The following CLSTN2 variants were observed in gnomAD, a reference collection of about 807,000 sequenced individuals.
CLSTN2 encodes the protein calsyntenin 2.
Under a neutral mutation model 101.2 loss-of-function variants are expected in CLSTN2, and 48 were observed. The ratio of observed to expected loss-of-function variants is 0.47; its 90% CI spans 0.38 to 0.60. CLSTN2 has a LOEUF of 0.60. CLSTN2 is among the 20% of genes least tolerant of loss of function. CLSTN2 has a pLI of 0.00. For missense variants in CLSTN2, 1,160 were observed against 1,238.2 expected, an observed-to-expected ratio of 0.94 and a Z score of 0.95; for synonymous variants, 481 against 463.6, an observed-to-expected ratio of 1.04 and a Z score of -0.48.
chr3:139,945,464 G>A (rs993328981), intron 1 of CLSTN2, among the ~76,000 whole-genome samples: 2 of 152,146 alleles, frequency 1.3e-5, no homozygotes, highest in African/African-American at 4.8e-5. Flanking sequence ...AAAACTCTAC[G>A]TCTTTCTTTC....
At chr3:140,189,476 A>C (rs1405902832) in intron 2 of CLSTN2, among the ~76,000 whole-genome samples, 1 of 152,050 alleles carries the variant, frequency 6.6e-6, no homozygotes, top group Non-Finnish European at 1.5e-5. Context: ...TGTGGTTTTA[A>C]TTTGCATTTC....
At chr3:140,517,687 G>A (rs558413883) in intron 8 of CLSTN2, among the ~76,000 whole-genome samples, 8 of 152,124 alleles carry the variant, frequency 5.3e-5, no homozygotes, top group Non-Finnish European at 8.8e-5. Flanking sequence ...CAGTTCTCTC[G>A]GCCGTGGACA....
At chr3:140,459,420 C>A in intron 6 of CLSTN2, 101 bp from the exon 7 acceptor site, 1 of 1,366,432 alleles carries the variant, frequency 7.3e-7, no homozygotes, top group Non-Finnish European at 1.0e-6. Context: ...ACAGACGTCT[C>A]TGAGTAAGTA....
chr3:140,425,105 T>C (rs1275084860), intron 5 of CLSTN2, among the ~76,000 whole-genome samples: 3 of 152,188 alleles, frequency 2.0e-5, no homozygotes, highest in Non-Finnish European at 4.4e-5. Context: ...TCTAAGCCAT[T>C]TCCTTTTAAG....
At chr3:140,305,816 G>T (rs1052513440) in intron 2 of CLSTN2, among the ~76,000 whole-genome samples, 1 of 151,992 alleles carries the variant, frequency 6.6e-6, no homozygotes, top group Non-Finnish European at 1.5e-5. Context: ...CATGAATATG[G>T]GTTTTTTTTT....
intron 5 of CLSTN2, among the ~76,000 whole-genome samples, chr3:140,442,825 C>T (rs1408495109): frequency 6.6e-6 from 1 of 152,172 alleles, no homozygotes; most frequent in Non-Finnish European, 1.5e-5. Flanking sequence ...ATCATCTGAC[C>T]TTCTTTTACC....
chr3:140,474,222 A>C (rs942727591), intron 8 of CLSTN2, among the ~76,000 whole-genome samples: 5 of 152,134 alleles, frequency 3.3e-5, no homozygotes, highest in African/African-American at 1.2e-4. Flanking sequence ...CACCTTGCTG[A>C]GGTGACCCTG....
At chr3:140,216,221 C>T (rs1351992461) in intron 2 of CLSTN2, among the ~76,000 whole-genome samples, 1 of 152,150 alleles carries the variant, frequency 6.6e-6, no homozygotes, top group African/African-American at 2.4e-5. Flanking sequence ...GCCTCCCACC[C>T]CCATCCATGG....
intron 2 of CLSTN2, among the ~76,000 whole-genome samples, chr3:140,382,759 G>A (rs917099393): frequency 2.6e-5 from 4 of 152,172 alleles, no homozygotes; most frequent in Non-Finnish European, 4.4e-5. Context: ...CCCTCTCCTG[G>A]CTTACGGACT....
intron 8 of CLSTN2, among the ~76,000 whole-genome samples, chr3:140,476,745 G>A (rs988877375): frequency 5.4e-5 from 8 of 147,228 alleles, no homozygotes; most frequent in Non-Finnish European, 1.0e-4. Context: ...TGCAAGCTCC[G>A]CCTCCTGGGT....
At position 140,558,532 on chromosome 3, in the gene CLSTN2, T is replaced by G. The variant is rs1171127683; in HGVS notation, c.1824-108T>G. 3.8e-6 allele frequency: 3 copies of G among 789,702 alleles called. No homozygotes were observed. The East Asian group carries it at 7.7e-5, about 20-fold the overall frequency. The allele number at this position is 789,702 out of a possible 1,614,324, so 48.9% of individuals were successfully genotyped here. The stretch of plus-strand genomic sequence containing the variant: ...GACATCCTCAGAGACACTTACGCAG[T>G]CACGATGCCTTGTTAAGAACTGGAG... On this transcript the variant is annotated intron_variant, in intron 11 of 16. Transcript: ENST00000458420.
intron 8 of CLSTN2, among the ~76,000 whole-genome samples, chr3:140,490,596 G>GAAAAAAAA (rs71149081): frequency 1.1e-5 from 1 of 90,116 alleles, no homozygotes. Flanking sequence ...CCTTGTCTCA[G>GAAAAAAAA]AAAAAAAAAA....
chr3:139,935,986 A>G lies in CLSTN2; in HGVS notation c.109+503A>G, dbSNP rs1277943327. On this transcript the variant is annotated intron_variant, in intron 1 of 16. Coordinates refer to ENST00000458420, the MANE Select transcript of CLSTN2 (RefSeq NM_022131.3). This position sits in a 1 kb window ranked among gnomAD's most constrained non-coding sequence, Gnocchi z 5.5. Reference sequence around the variant, plus strand: ...CCGCTGACACTCCTCAAGCTCCCCCAGGGCGTCTCTGACTCCCCGGGGAAC... The same window carrying G: ...CCGCTGACACTCCTCAAGCTCCCCCGGGGCGTCTCTGACTCCCCGGGGAAC... 6.6e-6 allele frequency among the ~76,000 whole-genome samples: 1 copy of G among 151,828 alleles called. No homozygotes were observed. Among genetic ancestry groups the G allele is most frequent in the African/African-American group, 2.4e-5 (1 of 41,328 alleles).
chr3:140,265,788 A>G (rs1297350528), intron 2 of CLSTN2, among the ~76,000 whole-genome samples: 2 of 152,202 alleles, frequency 1.3e-5, no homozygotes, highest in African/African-American at 4.8e-5. Context: ...CAAGAATATT[A>G]CATATCAAAG....
intron 9 of CLSTN2, among the ~76,000 whole-genome samples, chr3:140,534,160 A>G (rs1013890558): frequency 2.0e-5 from 3 of 152,096 alleles, no homozygotes; most frequent in Non-Finnish European, 2.9e-5. Flanking sequence ...TGCTAGAGAA[A>G]TGTTCCCCTG....
At chr3:140,253,571 C>T (rs1400632338) in intron 2 of CLSTN2, among the ~76,000 whole-genome samples, 2 of 152,104 alleles carry the variant, frequency 1.3e-5, no homozygotes, top group African/African-American at 4.8e-5. Context: ...TGTCAGCATT[C>T]CAGCCTTTCC....
intron 6 of CLSTN2, among the ~76,000 whole-genome samples, chr3:140,448,928 G>T (rs538279244): frequency 6.6e-6 from 1 of 152,250 alleles, no homozygotes; most frequent in Admixed American, 6.5e-5. Flanking sequence ...ATGTGGCCTT[G>T]GGCAAGTGAC....
chr3:140,388,893 A>G (rs555377895), intron 2 of CLSTN2, among the ~76,000 whole-genome samples: 5 of 152,142 alleles, frequency 3.3e-5, no homozygotes, highest in Admixed American at 6.5e-5. Context: ...CAAGTTACCA[A>G]TTTACTGAGA....
At chr3:140,518,430 G>A (rs914959118) in intron 8 of CLSTN2, among the ~76,000 whole-genome samples, 3 of 152,114 alleles carry the variant, frequency 2.0e-5, no homozygotes, top group Non-Finnish European at 4.4e-5. Flanking sequence ...ACCCCTGTGA[G>A]ACAAAGTCAG....
Sources: gnomAD v4.1 joint callset for allele counts (sites outside exome capture counted in the v4.1 genomes callset) on GRCh38, gnomAD v4.1.1 for gene constraint, Gnocchi (gnomAD v3.1) non-coding constraint, MANE v1.5 for transcripts, NCBI Gene and HGNC (gene_info 2026-07-23, HGNC 2026-07-21) for gene names.